The following APPL2 variants were observed in gnomAD, a reference collection of about 807,000 sequenced individuals.
APPL2 encodes DCC-interacting protein 13-beta.
APPL2 carries 84 observed loss-of-function variants against 92.7 expected under a neutral mutation model. The ratio of observed to expected loss-of-function variants is 0.91; its 90% confidence interval spans 0.76 to 1.09. The LOEUF (loss-of-function observed/expected upper bound fraction) is 1.09. APPL2 is among the 50% of genes least tolerant of loss of function. The pLI, the probability that APPL2 is intolerant of heterozygous loss-of-function variation, is 0.00. For synonymous variants in APPL2, 291 were observed against 291.0 expected (o/e 1.00, Z 0.00); for missense variants, 736 against 824.5 (o/e 0.89, Z 1.31).
At chr12:105,189,370 C>A (rs1887000959) in intron 16 of APPL2, among the ~76,000 whole-genome samples, 1 of 152,120 alleles carries the variant, frequency 6.6e-6, no homozygotes, top group Admixed American at 6.5e-5. Context: ...ATGTAAAAAA[C>A]CAAAAATTTG....
chr12:105,179,743 CT>C (rs1041892062), intron 17 of APPL2, among the ~76,000 whole-genome samples: 1 of 152,178 alleles, frequency 6.6e-6, no homozygotes. Context: ...TGATGATGAG[CT>C]TTTTTTCACG....
At chr12:105,176,429 G>T in intron 19 of APPL2, 1 of 462,698 alleles carries the variant, frequency 2.2e-6, no homozygotes, top group Non-Finnish European at 3.7e-6. Flanking sequence ...TGAAAGGATT[G>T]GTTAATTGTG....
At chr12:105,215,956 G>C (rs1889649828) in intron 4 of APPL2, among the ~76,000 whole-genome samples, 1 of 152,130 alleles carries the variant, frequency 6.6e-6, no homozygotes, top group Non-Finnish European at 1.5e-5. Context: ...GAACCCGGGA[G>C]GTGGAGCTTG....
intron 17 of APPL2, among the ~76,000 whole-genome samples, chr12:105,187,925 T>C (rs973047539): frequency 3.9e-5 from 6 of 152,032 alleles, no homozygotes; most frequent in Non-Finnish European, 8.8e-5. Flanking sequence ...GGCAGATTTT[T>C]AAGTTTTTTT....
intron 17 of APPL2, among the ~76,000 whole-genome samples, chr12:105,184,547 A>T (rs1233790814): frequency 6.6e-6 from 1 of 152,044 alleles, no homozygotes; most frequent in African/African-American, 2.4e-5. Context: ...CTGAAGGTAC[A>T]CTCCGGACTC....
chr12:105,185,402 A>C (rs1886511185), intron 17 of APPL2, among the ~76,000 whole-genome samples: 1 of 152,142 alleles, frequency 6.6e-6, no homozygotes, highest in South Asian at 2.1e-4. Context: ...CACTCGATGG[A>C]ATCTCCTGGT....
In APPL2 at chr12:105,208,187, A is replaced by G; in HGVS notation, c.386T>C (p.Leu129Ser). The part of the protein sequence containing the change: ...REKDLTEVST[L>S]KDLFGLASNE... ...GCTAGCGAGTCCAAATAGATCCTTT[A>G]AAGTGCTTACTTCTGAAAAGGAGAA... Residue 129 changes from leucine (L) to serine (S), a missense_variant, in exon 6 of 21, where the codon TTA becomes TCA. Coordinates refer to ENST00000258530, the MANE Select transcript of APPL2 (RefSeq NM_018171.5). 2 of 1,614,236 alleles carry G rather than the reference A, an allele frequency of 1.2e-6. No individual in the cohort carries two copies. The highest frequency in any genetic ancestry group is 1.7e-6 in the Non-Finnish European group (2 of 1,180,038).
chr12:105,219,267 A>G (rs1889921796), intron 2 of APPL2, among the ~76,000 whole-genome samples: 1 of 152,324 alleles, frequency 6.6e-6, no homozygotes, highest in African/African-American at 2.4e-5. Flanking sequence ...TTCGCAGACA[A>G]CTGGCCAACC....
intron 19 of APPL2, 135 bp from the exon 20 acceptor site, chr12:105,176,217 G>A (rs1193801645): frequency 2.7e-6 from 2 of 731,278 alleles, no homozygotes; most frequent in South Asian, 1.8e-5. Flanking sequence ...GGCTGCAGGA[G>A]ACTCATCACA....
At chr12:105,195,985 G>GCTGAGGCTGCAA (rs1387203221) in intron 11 of APPL2, among the ~76,000 whole-genome samples, 2 of 151,626 alleles carry the variant, frequency 1.3e-5, no homozygotes, top group Non-Finnish European at 2.9e-5. Context: ...AGCCCAGGAG[G>GCTGAGGCTGCAA]CTGAGGCTGC....
chr12:105,187,892 C>T (rs890319219), intron 17 of APPL2, among the ~76,000 whole-genome samples: 2 of 151,758 alleles, frequency 1.3e-5, no homozygotes, highest in Non-Finnish European at 2.9e-5. Context: ...GGCCTGCTCT[C>T]TCTGTGATGG....
intron 1 of APPL2, among the ~76,000 whole-genome samples, chr12:105,234,794 G>A (rs63142861): frequency 0.045 from 1 of 22 alleles, no homozygotes; most frequent in African/African-American, 0.083. Flanking sequence ...ATATAAAAAA[G>A]GGAGGCCTTG....
chr12:105,217,000 G>A (rs1889744632), intron 4 of APPL2, 69 bp downstream of exon 4: 3 of 1,139,268 alleles, frequency 2.6e-6, no homozygotes, highest in Admixed American at 4.4e-5. Context: ...AATGGAAAGT[G>A]GGCCAAAATA....
intron 17 of APPL2, among the ~76,000 whole-genome samples, chr12:105,184,102 C>T (rs1886376167): frequency 6.6e-6 from 1 of 152,182 alleles, no homozygotes; most frequent in African/African-American, 2.4e-5. Context: ...TGTTTTTCAT[C>T]TCCATCAGGT....
At chr12:105,212,077 C>T (rs1289778903) in intron 4 of APPL2, among the ~76,000 whole-genome samples, 2 of 139,280 alleles carry the variant, frequency 1.4e-5, no homozygotes, top group Non-Finnish European at 3.0e-5. Context: ...CGAGATCGCA[C>T]CACTGCAGTT....
chr12:105,217,058 T>C lies in APPL2; in HGVS notation c.285+11A>G. 1 of 1,580,374 alleles carries C rather than the reference T, an allele frequency of 6.3e-7. No homozygotes were observed. The highest frequency in any genetic ancestry group is 8.6e-7 in the Non-Finnish European group (1 of 1,156,944). ...AGAATCAAATACAAATTTTCTATGT[T>C]GCTATCTTACCTCATCCACCACTTT... On this transcript the variant is annotated intron_variant, in intron 4 of 20. Transcript: ENST00000258530.
rs1886914024 is a variant in APPL2 at position 105,188,387 on chromosome 12, T to C, written c.1520A>G (p.Asp507Gly). 6.2e-7 allele frequency: 1 copy of C among 1,614,068 alleles called. No homozygotes were observed. The highest frequency in any genetic ancestry group is 8.5e-7 in the Non-Finnish European group (1 of 1,180,038). ...TTCATAAATCACTTCAGTAGTGCTG[T>C]CTGTTTTAACTGCCATTGATCCCAA... is the stretch of plus-strand genomic sequence containing the variant. ...RFLGSMAVKT[D>G]STTEVIYEAM... The change falls in exon 17 of 21, where the codon GAC (aspartate) becomes GGC (glycine). Residue 507 changes from aspartate to glycine, a missense_variant. Physicochemically the swap from Asp to Gly is moderately conservative, Grantham distance 94. Transcript: ENST00000258530.
At position 105,176,949 on chromosome 12, in the gene APPL2, A is replaced by T; in HGVS notation, c.1739T>A (p.Ile580Asn). The T allele has an allele frequency of 6.2e-7, 1 of 1,614,138 alleles. No individual in the cohort carries two copies. Among genetic ancestry groups the T allele is most frequent in the Non-Finnish European group, 8.5e-7 (1 of 1,180,014 alleles). ...QENKRLVGFVIRVPESTGEES... is the reference protein window; with the variant it reads ...QENKRLVGFVNRVPESTGEES... The stretch of plus-strand genomic sequence containing the variant: ...TTCTCCAGTGGATTCAGGAACACGG[A>T]TGACAAAACCAACCAGTCTCTTGTT... Residue 580 changes from isoleucine to asparagine, a missense_variant, in exon 19 of 21, where the codon ATC (isoleucine) becomes AAC (asparagine). By Grantham distance (149) the Ile-to-Asn change is moderately radical. Coordinates refer to ENST00000258530, the MANE Select transcript of APPL2 (RefSeq NM_018171.5).
At chr12:105,199,963 C>T (rs908472130) in intron 9 of APPL2, among the ~76,000 whole-genome samples, 11 of 151,798 alleles carry the variant, frequency 7.2e-5, no homozygotes, top group Non-Finnish European at 1.5e-4. Flanking sequence ...GGACTACCGG[C>T]GCTCGCCACC....
Sources: allele counts gnomAD v4.1 joint callset (sites outside exome capture counted in the v4.1 genomes callset), GRCh38; gene constraint gnomAD v4.1.1; transcripts MANE v1.5; gene names NCBI Gene and HGNC (gene_info 2026-07-23, HGNC 2026-07-21).